Variants in ZNF516 observed in about 807,000 individuals in gnomAD.
ZNF516 encodes zinc finger protein 516.
Under a neutral mutation model 79.7 loss-of-function variants are expected in ZNF516, and 19 were observed. That is an observed-to-expected ratio of 0.24 (90% CI 0.17 to 0.35). The LOEUF is 0.35. ZNF516 is among the 10% of genes least tolerant of loss of function. ZNF516 has a pLI of 1.00. For missense variants in ZNF516, 1,678 were observed against 1,679.5 expected (o/e 1.00, Z 0.02); for synonymous variants, 877 against 739.5 (o/e 1.19, Z -3.02).
intron 1 of ZNF516, among the ~76,000 whole-genome samples, chr18:76,488,727 TAC>T (rs1160399517): frequency 6.6e-6 from 1 of 152,242 alleles, no homozygotes; most frequent in Non-Finnish European, 1.5e-5. Flanking sequence ...TTTCTTCCAT[TAC>T]AGTTCTATTA....
At chr18:76,439,426 T>G (rs144690689) in intron 3 of ZNF516, among the ~76,000 whole-genome samples, 129 of 152,370 alleles carry the variant, frequency 8.5e-4, no homozygotes, top group African/African-American at 3.0e-3. Flanking sequence ...ATCCTATTTA[T>G]TCTATCACCA....
chr18:76,491,127 C>G (rs1915161176), intron 1 of ZNF516: 1 of 979,244 alleles, frequency 1.0e-6, no homozygotes, highest in Non-Finnish European at 1.2e-6. Context: ...TCCGCCAGAA[C>G]AAAGTGAAGT....
chr18:76,462,135 C>T (rs901826346), intron 2 of ZNF516, among the ~76,000 whole-genome samples: 46 of 152,266 alleles, frequency 3.0e-4, no homozygotes, highest in African/African-American at 1.1e-3. Context: ...TTCCAGCCTC[C>T]GCCGATGAGC....
chr18:76,458,438 C>T (rs1354008283), intron 2 of ZNF516, among the ~76,000 whole-genome samples: 7 of 152,204 alleles, frequency 4.6e-5, no homozygotes, highest in Admixed American at 4.6e-4. Context: ...TTCAAATACT[C>T]TTGCGCTTCT....
Position 76,364,690 on chromosome 18 carries a change from T to C in ZNF516, c.3433-2133A>G, listed in dbSNP as rs191536634. On this transcript the variant is annotated intron_variant, in intron 6 of 6. Coordinates refer to ENST00000443185, the MANE Select transcript of ZNF516 (RefSeq NM_014643.4). ...ATCGATGCCCCGCACACAAAAAACC[T>C]GCCATGCCCCAGGACACACGGGGCA... Among the ~76,000 whole-genome samples the C allele has an allele frequency of 5.2e-4, 79 of 151,786 alleles. No individual in the cohort carries two copies. The East Asian group carries it at 0.014, about 28-fold the overall frequency.
chr18:76,442,261 G>A lies in ZNF516; in HGVS notation c.794C>T (p.Ala265Val). ...GGAGCCCCGGTGCTTCTTCATGTGC[G>A]CCTTCAGGAACCAGGTCTGGCTGAA... ...QAFSQTWFLK[A>V]HMKKHRGSFD... The change falls in exon 3 of 7, where the codon GCG (alanine) becomes GTG (valine). Residue 265 changes from alanine (A) to valine (V), a missense_variant. Ala to Val is a moderately conservative substitution (Grantham distance 64). This residue lies in a region of ZNF516 where 279 missense variants were observed against 254.1 expected (regional missense o/e 1.10). Coordinates refer to ENST00000443185, the MANE Select transcript of ZNF516 (RefSeq NM_014643.4). 6.2e-7 allele frequency: 1 copy of A among 1,613,546 alleles called. No individual in the cohort carries two copies. Among genetic ancestry groups the A allele is most frequent in the Non-Finnish European group, 8.5e-7 (1 of 1,179,824 alleles).
At chr18:76,492,849 G>A (rs1296150831) in intron 1 of ZNF516, 1 of 985,748 alleles carries the variant, frequency 1.0e-6, no homozygotes. Context: ...GCGTGCCCAT[G>A]TAGCCGAACT....
chr18:76,495,706 G>C (rs747117116), upstream of ZNF516: 34 of 1,191,796 alleles, frequency 2.9e-5, no homozygotes, highest in East Asian at 1.8e-4. Context: ...AGACGTGCTC[G>C]GGATGCGGGT....
Position 76,441,681 on chromosome 18 carries a change from C to T in ZNF516, c.1374G>A (p.Leu458=). The stretch of plus-strand genomic sequence containing the variant: ...CACGCTTGCGCTTCTCCTGGCTCAC[C>T]AGGACGTACTCGCGCCTGTCCTTGT... ...AFDKDRREYV[L]VSQEKRKREQ... Residue 458 remains leucine (L), a synonymous_variant, in exon 3 of 7, where the codon CTG becomes CTA. Transcript: ENST00000443185. The T allele has an allele frequency of 6.4e-7, 1 of 1,558,144 alleles. No individual in the cohort carries two copies. Among genetic ancestry groups the T allele is most frequent in the African/African-American group, 1.4e-5 (1 of 73,534 alleles).
rs372550448 is a variant in ZNF516 at position 76,379,747 on chromosome 18, G to A, written c.2367C>T (p.Ser789=). 2.3e-4 allele frequency: 376 copies of A among 1,613,948 alleles called. No individual in the cohort carries two copies. The highest frequency in any genetic ancestry group is 1.2e-3 in the Middle Eastern group (7 of 6,062). ...KRIWHRVSCN[S]VAPPWIQPNG... ...TGGGCTGAATCCACGGGGGAGCCAC[G>A]GAGTTGCAGCTGACGCGGTGCCAGA... is the stretch of plus-strand genomic sequence containing the variant. Residue 789 remains serine (S), a synonymous_variant, in exon 4 of 7, where the codon TCC becomes TCT. Coordinates refer to ENST00000443185, the MANE Select transcript of ZNF516 (RefSeq NM_014643.4).
chr18:76,440,740 G>GTGTT (rs1295355986), intron 3 of ZNF516, among the ~76,000 whole-genome samples: 1 of 51,786 alleles, frequency 1.9e-5, no homozygotes, highest in Non-Finnish European at 4.6e-5. Flanking sequence ...GTGTGTGTGT[G>GTGTT]TTTGTGTGTG....
intron 6 of ZNF516, among the ~76,000 whole-genome samples, chr18:76,366,529 C>G (rs1439046417): frequency 2.6e-5 from 4 of 152,202 alleles, no homozygotes; most frequent in African/African-American, 9.7e-5. Flanking sequence ...CAGGTTCCGA[C>G]AAAGCCACAA....
In ZNF516 at chr18:76,486,998, C is replaced by T. The variant is rs566939552; in HGVS notation, c.-272+8146G>A. Among the ~76,000 whole-genome samples, 4 of 152,256 alleles carry T rather than the reference C, an allele frequency of 2.6e-5. No individual in the cohort carries two copies. In the South Asian group the frequency reaches 8.3e-4, roughly 32 times the overall value. On this transcript the variant is annotated intron_variant, in intron 1 of 6. Transcript: ENST00000443185. ...TGTCTTTTAAATAATTTTTCCTACT[C>T]TCCTGCTTGTGTTTTAGTCATCACT... is the stretch of plus-strand genomic sequence containing the variant.
intron 1 of ZNF516, among the ~76,000 whole-genome samples, chr18:76,486,836 G>C (rs1225887833): frequency 6.6e-6 from 1 of 152,112 alleles, no homozygotes; most frequent in Non-Finnish European, 1.5e-5. Context: ...TAAATTCTGA[G>C]ATTCTATAGA....
intron 2 of ZNF516, among the ~76,000 whole-genome samples, chr18:76,447,875 CTGTA>C (rs1277341624): frequency 1.4e-4 from 21 of 152,124 alleles, no homozygotes; most frequent in Middle Eastern, 3.4e-3. Context: ...GGATCTCTTG[CTGTA>C]TGTGAGTGTG....
At chr18:76,365,720 C>T (rs549152345) in intron 6 of ZNF516, among the ~76,000 whole-genome samples, 23 of 152,286 alleles carry the variant, frequency 1.5e-4, no homozygotes, top group East Asian at 1.4e-3. Context: ...GGACAAGCAC[C>T]GGTGCCACCG....
At chr18:76,474,829 A>G (rs1401828139) in intron 1 of ZNF516, among the ~76,000 whole-genome samples, 1 of 152,218 alleles carries the variant, frequency 6.6e-6, no homozygotes, top group Non-Finnish European at 1.5e-5. Context: ...GAAAATTTTA[A>G]AAAATCATAC....
intron 1 of ZNF516, among the ~76,000 whole-genome samples, chr18:76,488,781 T>C (rs1243352795): frequency 6.6e-6 from 1 of 152,188 alleles, no homozygotes; most frequent in Non-Finnish European, 1.5e-5. Context: ...AAGTTACACA[T>C]CTCCAGTTAA....
chr18:76,367,801 G>C (rs79333508), intron 6 of ZNF516, among the ~76,000 whole-genome samples: 15,618 of 152,250 alleles, frequency 0.1, 974 homozygotes, highest in Non-Finnish European at 0.14. Context: ...GCACGCAGTG[G>C]GTGGTCAATA....
Sources: allele counts gnomAD v4.1 joint callset (sites outside exome capture counted in the v4.1 genomes callset), GRCh38; gene constraint gnomAD v4.1.1; regional missense constraint gnomAD v4.1.1; transcripts MANE v1.5; gene names NCBI Gene and HGNC (gene_info 2026-07-23, HGNC 2026-07-21).